The following FAM200B variants were observed in gnomAD, a reference collection of about 807,000 sequenced individuals.
The protein encoded by FAM200B is zinc finger BED-type containing 11, also known as protein FAM200B.
A neutral mutation model predicts 33.1 loss-of-function variants in FAM200B; 32 were observed. The ratio of observed to expected loss-of-function variants is 0.97; its 90% CI spans 0.73 to 1.30. FAM200B has a LOEUF of 1.30. Ranked by LOEUF, FAM200B falls within the 50% of genes most tolerant of loss-of-function variation. FAM200B has a pLI of 0.00. For missense variants in FAM200B, 741 were observed against 754.0 expected, an observed-to-expected ratio of 0.98 and a Z score of 0.20; for synonymous variants, 240 against 264.8, an observed-to-expected ratio of 0.91 and a Z score of 0.91.
chr4:15,637,383 G>C, the FAM200B span, among the ~76,000 whole-genome samples: 1 of 152,086 alleles, frequency 6.6e-6, no homozygotes, highest in Non-Finnish European at 1.5e-5. Flanking sequence ...AAATAAAAAT[G>C]AAAATGAAGT....
At chr4:15,671,562 C>A in the FAM200B span, among the ~76,000 whole-genome samples, 1 of 152,156 alleles carries the variant, frequency 6.6e-6, no homozygotes, top group South Asian at 2.1e-4. Context: ...GCGTGAGCCA[C>A]CACGCCTGGG....
Position 15,688,159 on chromosome 4 carries a change from ACTAAG to A in FAM200B, c.1184_1188del (p.Leu395GlnfsTer4). 6.4e-7 allele frequency: 1 copy of A among 1,551,300 alleles called. No individual in the cohort carries two copies. Among genetic ancestry groups the A allele is most frequent in the Non-Finnish European group, 8.7e-7 (1 of 1,146,706 alleles). The stretch of plus-strand genomic sequence containing the variant: ...TTCGTTGGTTGTCTCAAGGGAAAAT[ACTAAG>A]CAGGGTTTATGAGCTCAGGAATGAG... On this transcript the variant is annotated frameshift_variant, in exon 2 of 2. Transcript: ENST00000422728. LOFTEE classifies it high-confidence loss of function.
chr4:15,689,165 G>A lies in FAM200B; in HGVS notation c.*214G>A, dbSNP rs571038019. 11 of 395,118 alleles carry A rather than the reference G, an allele frequency of 2.8e-5. No homozygotes were observed. In the Admixed American group the frequency reaches 3.9e-4, roughly 14 times the overall value. 24.5% of individuals were successfully genotyped at this position (395,118 alleles called of 1,614,324 possible). ...TTCTAGAGACATTTGGGATACAAAA[G>A]TGAACAAAACAGGTAATTCCCTAGT... On this transcript the variant is annotated 3_prime_UTR_variant, in exon 2 of 2. Coordinates refer to ENST00000422728, the MANE Select transcript of FAM200B (RefSeq NM_001145191.2).
the FAM200B span, among the ~76,000 whole-genome samples, chr4:15,644,339 T>C: frequency 6.6e-6 from 1 of 152,356 alleles, no homozygotes; most frequent in South Asian, 2.1e-4. Context: ...GCAGTAGTTC[T>C]TTTTAAATAG....
At chr4:15,647,036 A>G in the FAM200B span, among the ~76,000 whole-genome samples, 9 of 151,806 alleles carry the variant, frequency 5.9e-5, no homozygotes, top group Non-Finnish European at 2.9e-5. Flanking sequence ...CAGCCTGACC[A>G]ACATGGTGAA....
At chr4:15,644,200 G>A in the FAM200B span, among the ~76,000 whole-genome samples, 1 of 152,092 alleles carries the variant, frequency 6.6e-6, no homozygotes, top group African/African-American at 2.4e-5. Context: ...GAATCCCCTT[G>A]GCCTTGATGT....
In FAM200B at chr4:15,687,357, A is replaced by C; in HGVS notation, c.380A>C (p.Lys127Thr). 1 of 1,545,492 alleles carries C rather than the reference A, an allele frequency of 6.5e-7. No homozygotes were observed. Among genetic ancestry groups the C allele is most frequent in the Non-Finnish European group, 8.7e-7 (1 of 1,144,124 alleles). The change falls in exon 2 of 2, where the codon AAA becomes ACA. Residue 127 changes from lysine to threonine, a missense_variant. Coordinates refer to ENST00000422728, the MANE Select transcript of FAM200B (RefSeq NM_001145191.2). ...KPLEYFQRKKKDIKLSTQFLS... is the reference protein window; with the variant it reads ...KPLEYFQRKKTDIKLSTQFLS... Reference sequence around the variant, plus strand: ...CTTGAATATTTTCAAAGAAAGAAAAAAGACATAAAGTTATCAACACAATTT... The same window carrying C: ...CTTGAATATTTTCAAAGAAAGAAAACAGACATAAAGTTATCAACACAATTT...
At chr4:15,663,506 A>C in the FAM200B span, among the ~76,000 whole-genome samples, 1 of 152,192 alleles carries the variant, frequency 6.6e-6, no homozygotes, top group South Asian at 2.1e-4. Context: ...ACTTACTACC[A>C]GCAGGGTAAA....
chr4:15,657,171 C>T, the FAM200B span, among the ~76,000 whole-genome samples: 1 of 152,186 alleles, frequency 6.6e-6, no homozygotes, highest in African/African-American at 2.4e-5. Context: ...TATTTACCCT[C>T]TATTTCTTTA....
At chr4:15,643,550 C>T in the FAM200B span, among the ~76,000 whole-genome samples, 7 of 148,822 alleles carry the variant, frequency 4.7e-5, no homozygotes, top group African/African-American at 7.5e-5. Flanking sequence ...GGATTACAGG[C>T]GCCTGCCACT....
chr4:15,688,680 C>T lies in FAM200B; in HGVS notation c.1703C>T (p.Ser568Leu). 1 of 1,551,288 alleles carries T rather than the reference C, an allele frequency of 6.4e-7. No homozygotes were observed. The highest frequency in any genetic ancestry group is 8.7e-7 in the Non-Finnish European group (1 of 1,146,722). Residue 568 changes from serine to leucine, a missense_variant, in exon 2 of 2, where the codon TCA (serine) becomes TTA (leucine). Physicochemically the swap from Ser to Leu is moderately radical, Grantham distance 145 (BLOSUM62 -2). Transcript: ENST00000422728. The stretch of plus-strand genomic sequence containing the variant: ...AATGAATTATTGCAGCTTAGTTCTT[C>T]ATATACATTGAAGAATGATTATGAA... ...EENELLQLSS[S>L]YTLKNDYETL...
chr4:15,685,954 A>C (rs1718804855), intron 1 of FAM200B, among the ~76,000 whole-genome samples: 2 of 152,020 alleles, frequency 1.3e-5, no homozygotes, highest in Admixed American at 1.3e-4. Context: ...AATAAGCTAT[A>C]CTCCTTCATG....
Position 15,689,188 on chromosome 4 carries a change from A to C in FAM200B, c.*237A>C, listed in dbSNP as rs1253327221. On this transcript the variant is annotated 3_prime_UTR_variant, in exon 2 of 2. Transcript: ENST00000422728. ...AAGTGAACAAAACAGGTAATTCCCT[A>C]GTAGAGTTTATATCCTGGCAAGGAG... is the stretch of plus-strand genomic sequence containing the variant. 2.8e-6 allele frequency: 1 copy of C among 353,542 alleles called. No homozygotes were observed. Among genetic ancestry groups the C allele is most frequent in the Non-Finnish European group, 5.2e-6 (1 of 191,528 alleles). 21.9% of individuals were successfully genotyped at this position (353,542 alleles called of 1,614,324 possible).
At chr4:15,659,272 A>C in the FAM200B span, among the ~76,000 whole-genome samples, 1 of 152,248 alleles carries the variant, frequency 6.6e-6, no homozygotes, top group Non-Finnish European at 1.5e-5. Context: ...TGAGAATTTG[A>C]AAAGTTTTTA....
the FAM200B span, chr4:15,655,119 G>T: frequency 9.0e-7 from 1 of 1,110,132 alleles, no homozygotes; most frequent in Non-Finnish European, 1.2e-6. Flanking sequence ...TGCGGGCGCG[G>T]CGCAGGCCAG....
At chr4:15,666,922 T>G in the FAM200B span, among the ~76,000 whole-genome samples, 3 of 152,054 alleles carry the variant, frequency 2.0e-5, no homozygotes, top group South Asian at 6.2e-4. Context: ...ATTAGCTTGA[T>G]GTAATCATTC....
At position 15,688,168 on chromosome 4, in the gene FAM200B, G is replaced by A. The variant is rs1470076384; in HGVS notation, c.1191G>A (p.Arg397=). The part of the protein sequence containing the change: ...RWLSQGKILS[R]VYELRNEIHF... The stretch of plus-strand genomic sequence containing the variant: ...TGTCTCAAGGGAAAATACTAAGCAG[G>A]GTTTATGAGCTCAGGAATGAGATTC... Residue 397 remains arginine (R), a synonymous_variant, in exon 2 of 2, where the codon AGG becomes AGA. Coordinates refer to ENST00000422728, the MANE Select transcript of FAM200B (RefSeq NM_001145191.2). 1 of 1,550,878 alleles carries A rather than the reference G, an allele frequency of 6.4e-7. No homozygotes were observed. Among genetic ancestry groups the A allele is most frequent in the Admixed American group, 2.0e-5 (1 of 50,956 alleles).
chr4:15,670,659 G>A, the FAM200B span, among the ~76,000 whole-genome samples: 1 of 151,628 alleles, frequency 6.6e-6, no homozygotes, highest in Non-Finnish European at 1.5e-5. Flanking sequence ...AAGAAACACT[G>A]GGCAATGTCA....
At chr4:15,656,725 T>C in the FAM200B span, among the ~76,000 whole-genome samples, 1 of 152,184 alleles carries the variant, frequency 6.6e-6, no homozygotes, top group African/African-American at 2.4e-5. Flanking sequence ...CAGTTTGCTC[T>C]GACATGAAAT....
Sources: allele counts gnomAD v4.1 joint callset (sites outside exome capture counted in the v4.1 genomes callset), GRCh38; gene constraint gnomAD v4.1.1; transcripts MANE v1.5; gene names NCBI Gene and HGNC (gene_info 2026-07-23, HGNC 2026-07-21).